The following DSCAM variants were observed in gnomAD, a reference collection of about 807,000 sequenced individuals.
DSCAM encodes the protein cell adhesion molecule DSCAM.
A neutral mutation model predicts 217.7 loss-of-function variants in DSCAM; 47 were observed. The ratio of observed to expected loss-of-function variants is 0.22; its 90% CI spans 0.17 to 0.28. The LOEUF (loss-of-function observed/expected upper bound fraction) is 0.28. DSCAM is among the 10% of genes least tolerant of loss of function. The pLI is 1.00. For missense variants in DSCAM, 2,080 were observed against 2,618.3 expected (o/e 0.79, Z 4.49); for synonymous variants, 1,056 against 1,015.3 (o/e 1.04, Z -0.76).
chr21:40,278,319 A>G (rs2073715794), intron 10 of DSCAM, among the ~76,000 whole-genome samples: 1 of 152,214 alleles, frequency 6.6e-6, no homozygotes, highest in Non-Finnish European at 1.5e-5. Context: ...TAAAGGCCAG[A>G]GAGTAAATAT....
At chr21:40,716,828 C>T (rs947650600) in intron 1 of DSCAM, among the ~76,000 whole-genome samples, 4 of 152,214 alleles carry the variant, frequency 2.6e-5, no homozygotes, top group African/African-American at 9.6e-5. Flanking sequence ...CCTGGTACTA[C>T]TGCCAAGGAA....
intron 3 of DSCAM, among the ~76,000 whole-genome samples, chr21:40,394,419 A>G (rs1199763827): frequency 6.6e-6 from 1 of 152,242 alleles, no homozygotes; most frequent in Non-Finnish European, 1.5e-5. Context: ...GCTTTTATAC[A>G]GTCAGGATGA....
intron 3 of DSCAM, among the ~76,000 whole-genome samples, chr21:40,452,298 C>T (rs2075727049): frequency 6.7e-6 from 1 of 148,736 alleles, no homozygotes. Context: ...GGAAAATACT[C>T]TGTAAATGCA....
At chr21:40,750,601 A>T (rs2091218162) in intron 1 of DSCAM, among the ~76,000 whole-genome samples, 1 of 151,844 alleles carries the variant, frequency 6.6e-6, no homozygotes, top group Non-Finnish European at 1.5e-5. Flanking sequence ...TCTGATCCAG[A>T]CCTCTTATCT....
chr21:40,416,550 C>G (rs1055912537), intron 3 of DSCAM, among the ~76,000 whole-genome samples: 1 of 151,986 alleles, frequency 6.6e-6, no homozygotes, highest in Admixed American at 6.6e-5. Flanking sequence ...CAAGAATAGT[C>G]ACTGTATTTC....
intron 3 of DSCAM, among the ~76,000 whole-genome samples, chr21:40,452,889 T>G (rs1376208002): frequency 6.6e-6 from 1 of 152,146 alleles, no homozygotes; most frequent in Non-Finnish European, 1.5e-5. Flanking sequence ...AATCAGTAGT[T>G]TATGCTTCAG....
chr21:40,423,314 C>G (rs2075442290), intron 3 of DSCAM, among the ~76,000 whole-genome samples: 3 of 152,128 alleles, frequency 2.0e-5, no homozygotes, highest in African/African-American at 4.8e-5. Flanking sequence ...TTAACAAGGA[C>G]AGTTACTAAT....
intron 8 of DSCAM, among the ~76,000 whole-genome samples, chr21:40,320,971 G>C (rs1030514527): frequency 3.3e-5 from 5 of 152,218 alleles, no homozygotes; most frequent in Non-Finnish European, 7.3e-5. Context: ...GAGTTTATGA[G>C]AGTTCATAGA....
At chr21:40,211,216 T>A (rs1283844422) in intron 11 of DSCAM, among the ~76,000 whole-genome samples, 1 of 152,250 alleles carries the variant, frequency 6.6e-6, no homozygotes, top group African/African-American at 2.4e-5. Context: ...GATTGCTGAA[T>A]AGCAGCATTC....
chr21:40,451,215 A>G (rs781713975), intron 3 of DSCAM, among the ~76,000 whole-genome samples: 12 of 152,216 alleles, frequency 7.9e-5, no homozygotes, highest in Non-Finnish European at 2.9e-5. Context: ...AAGGGCCACA[A>G]TGTAAGAGAA....
chr21:40,180,448 C>T lies in DSCAM; in HGVS notation c.2780-1354G>A, dbSNP rs186818331. 1.0e-3 allele frequency among the ~76,000 whole-genome samples: 155 copies of T among 152,122 alleles called. 4 individuals carry two copies. Among genetic ancestry groups the T allele is most frequent in the Admixed American group, 0.01 (154 of 15,280 alleles). The stretch of plus-strand genomic sequence containing the variant: ...GTCAAGAAGATTAGAGGTGGAAAAA[C>T]ATGAAATACAAAGAGTTGGAAAAAA... On this transcript the variant is annotated intron_variant, in intron 14 of 32. Coordinates refer to ENST00000400454, the MANE Select transcript of DSCAM (RefSeq NM_001389.5).
intron 27 of DSCAM, among the ~76,000 whole-genome samples, chr21:40,066,193 T>C (rs1223093243): frequency 6.6e-6 from 1 of 152,234 alleles, no homozygotes; most frequent in Non-Finnish European, 1.5e-5. Flanking sequence ...TCGGGTTGTC[T>C]TTCTCTTGGC....
At chr21:40,303,585 G>T (rs927355483) in intron 9 of DSCAM, among the ~76,000 whole-genome samples, 1 of 152,048 alleles carries the variant, frequency 6.6e-6, no homozygotes, top group African/African-American at 2.4e-5. Context: ...GAACCTTAAT[G>T]GGCAGAGACT....
intron 3 of DSCAM, among the ~76,000 whole-genome samples, chr21:40,474,274 CAG>C (rs1210258254): frequency 6.6e-6 from 1 of 151,662 alleles, no homozygotes; most frequent in Non-Finnish European, 1.5e-5. Flanking sequence ...GCCTGGGTGA[CAG>C]AGTGAGACTC....
chr21:40,396,865 T>G (rs2075183297), intron 3 of DSCAM, among the ~76,000 whole-genome samples: 1 of 152,208 alleles, frequency 6.6e-6, no homozygotes, highest in South Asian at 2.1e-4. Context: ...ATTTGTCTTA[T>G]CTAAGTCCTT....
intron 5 of DSCAM, among the ~76,000 whole-genome samples, chr21:40,350,224 T>A (rs2074614462): frequency 6.6e-6 from 1 of 152,140 alleles, no homozygotes; most frequent in South Asian, 2.1e-4. Context: ...GACATATGCA[T>A]GGACAAAGAC....
At chr21:40,840,955 A>G (rs2123682899) in intron 1 of DSCAM, among the ~76,000 whole-genome samples, 1 of 152,256 alleles carries the variant, frequency 6.6e-6, no homozygotes, top group Non-Finnish European at 1.5e-5. Flanking sequence ...ACTACTCCAT[A>G]CCATGTGCTC....
intron 3 of DSCAM, among the ~76,000 whole-genome samples, chr21:40,381,703 C>T (rs1479209743): frequency 1.3e-5 from 2 of 152,142 alleles, no homozygotes; most frequent in East Asian, 1.9e-4. Flanking sequence ...TAGGAACCAC[C>T]ATAAAGAATG....
intron 1 of DSCAM, among the ~76,000 whole-genome samples, chr21:40,715,681 A>G (rs1303421294): frequency 1.3e-5 from 2 of 152,224 alleles, no homozygotes; most frequent in East Asian, 1.9e-4. Context: ...AAAAATGCTG[A>G]TAGTAGCACT....
Sources: allele counts gnomAD v4.1 joint callset (sites outside exome capture counted in the v4.1 genomes callset), GRCh38; gene constraint gnomAD v4.1.1; transcripts MANE v1.5; gene names NCBI Gene and HGNC (gene_info 2026-07-23, HGNC 2026-07-21).